RNGTT: variants seen among roughly 807,000 people sequenced by gnomAD.
The protein encoded by RNGTT is RNA guanylyltransferase and 5'-phosphatase, also known as mRNA-capping enzyme.
A neutral mutation model predicts 79.3 loss-of-function variants in RNGTT; 33 were observed. The observed-to-expected ratio is 0.42, with a 90% CI of 0.32 to 0.56. RNGTT has a LOEUF of 0.56. RNGTT is among the 20% of genes least tolerant of loss of function. The pLI, the probability that RNGTT is intolerant of heterozygous loss-of-function variation, is 0.17. For synonymous variants in RNGTT, 222 were observed against 235.9 expected, an observed-to-expected ratio of 0.94 and a Z score of 0.54; for missense variants, 497 against 739.1, an observed-to-expected ratio of 0.67 and a Z score of 3.80.
chr6:88,826,788 G>GA (rs1189448559), intron 11 of RNGTT, among the ~76,000 whole-genome samples: 13,907 of 69,600 alleles, frequency 0.2, 1,015 homozygotes, highest in South Asian at 0.25. Flanking sequence ...TGTCTCAAAA[G>GA]AAAAAAAAAA....
At chr6:88,643,318 G>A (rs1443124143) in intron 14 of RNGTT, among the ~76,000 whole-genome samples, 3 of 152,120 alleles carry the variant, frequency 2.0e-5, no homozygotes, top group African/African-American at 7.2e-5. Context: ...AAGAACGATT[G>A]TATGGGCACG....
At chr6:88,858,996 T>C (rs999158785) in intron 8 of RNGTT, among the ~76,000 whole-genome samples, 15 of 146,656 alleles carry the variant, frequency 1.0e-4, no homozygotes, top group Admixed American at 8.2e-4. Context: ...TTATGAAAAC[T>C]TTTTTTTTTT....
At chr6:88,733,432 T>C (rs1324756782) in intron 13 of RNGTT, among the ~76,000 whole-genome samples, 1 of 128,830 alleles carries the variant, frequency 7.8e-6, no homozygotes, top group Non-Finnish European at 1.6e-5. Flanking sequence ...AAGAATAGCA[T>C]ATTCCAAGAA....
rs569387958 is a variant in RNGTT at position 88,762,174 on chromosome 6, C to T, written c.1439+7600G>A. On this transcript the variant is annotated intron_variant, in intron 13 of 15. Coordinates refer to ENST00000369485, the MANE Select transcript of RNGTT (RefSeq NM_003800.5). ...TTTAAATCTAAGTGTGACGGTATGT[C>T]CACAAATACAACCTGCGGTTATTTT... 2.0e-5 allele frequency among the ~76,000 whole-genome samples: 3 copies of T among 152,138 alleles called. No individual in the cohort carries two copies. In the South Asian group the frequency reaches 6.2e-4, roughly 32 times the overall value.
intron 13 of RNGTT, among the ~76,000 whole-genome samples, chr6:88,724,117 G>A (rs1238127332): frequency 6.6e-6 from 1 of 152,200 alleles, no homozygotes; most frequent in Non-Finnish European, 1.5e-5. Flanking sequence ...GTTATAGTGA[G>A]CTAAGGTTAA....
Position 88,801,261 on chromosome 6 carries a change from AT to A in RNGTT, c.1338+302del, listed in dbSNP as rs933163782. Among the ~76,000 whole-genome samples the A allele has an allele frequency of 3.3e-5, 5 of 152,226 alleles. No individual in the cohort carries two copies. The East Asian group carries it at 9.6e-4, about 29-fold the overall frequency. On this transcript the variant is annotated intron_variant, in intron 12 of 15. Transcript: ENST00000369485. ...TATGTAATGCTATTGGTAGAAAATT[AT>A]TTTTTAATAACTAATTATATTAAAA...
At chr6:88,845,825 T>C (rs1248298566) in intron 10 of RNGTT, among the ~76,000 whole-genome samples, 1 of 152,190 alleles carries the variant, frequency 6.6e-6, no homozygotes, top group African/African-American at 2.4e-5. Context: ...TAAAGGATAT[T>C]TATTGGGGAA....
At chr6:88,742,113 G>A (rs961975561) in intron 13 of RNGTT, among the ~76,000 whole-genome samples, 1 of 152,054 alleles carries the variant, frequency 6.6e-6, no homozygotes, top group African/African-American at 2.4e-5. Context: ...GAATTCTATG[G>A]GCATATGGTG....
chr6:88,693,805 G>A (rs1775564279), intron 13 of RNGTT, among the ~76,000 whole-genome samples: 1 of 152,074 alleles, frequency 6.6e-6, no homozygotes, highest in African/African-American at 2.4e-5. Flanking sequence ...ACATACACAA[G>A]TCTATAAATG....
intron 14 of RNGTT, among the ~76,000 whole-genome samples, chr6:88,623,774 G>T (rs1234909982): frequency 6.6e-6 from 1 of 152,056 alleles, no homozygotes; most frequent in Non-Finnish European, 1.5e-5. Context: ...TGAAAAGGAA[G>T]AAATAGGACT....
At chr6:88,842,700 T>G (rs886642406) in intron 11 of RNGTT, among the ~76,000 whole-genome samples, 1 of 152,108 alleles carries the variant, frequency 6.6e-6, no homozygotes, top group African/African-American at 2.4e-5. Flanking sequence ...TAAAAACATT[T>G]TAGAGATGAA....
At chr6:88,937,326 C>T (rs1784698079) in intron 2 of RNGTT, among the ~76,000 whole-genome samples, 1 of 151,276 alleles carries the variant, frequency 6.6e-6, no homozygotes, top group Non-Finnish European at 1.5e-5. Context: ...GCCTAGGCAA[C>T]AAGAGCAAAA....
intron 14 of RNGTT, among the ~76,000 whole-genome samples, chr6:88,636,713 T>C (rs957182458): frequency 3.5e-5 from 4 of 113,248 alleles, no homozygotes; most frequent in African/African-American, 1.3e-4. Flanking sequence ...AAAACACAAC[T>C]TTTTTTTTTT....
intron 13 of RNGTT, among the ~76,000 whole-genome samples, chr6:88,718,271 T>C (rs1433858997): frequency 2.6e-5 from 4 of 151,530 alleles, no homozygotes; most frequent in African/African-American, 9.7e-5. Context: ...CCTGTAATCC[T>C]AGCTACTTAG....
chr6:88,613,026 C>T, intron 15 of RNGTT, 144 bp from the exon 16 acceptor site: 1 of 698,098 alleles, frequency 1.4e-6, no homozygotes, highest in Non-Finnish European at 2.3e-6. Flanking sequence ...ATTGAACTAT[C>T]TCCTCCCTAC....
intron 6 of RNGTT, among the ~76,000 whole-genome samples, chr6:88,902,716 A>T (rs1212061293): frequency 0.012 from 352 of 29,464 alleles, no homozygotes; most frequent in African/African-American, 0.041. Context: ...TTTTTTTTTG[A>T]GACAAAGTCT....
intron 12 of RNGTT, among the ~76,000 whole-genome samples, chr6:88,791,552 T>A (rs150820897): frequency 1.8e-4 from 27 of 152,230 alleles, no homozygotes; most frequent in African/African-American, 5.8e-4. Flanking sequence ...TTATTTATTT[T>A]TTTTTGAGAC....
intron 14 of RNGTT, among the ~76,000 whole-genome samples, chr6:88,615,491 G>A (rs1053806769): frequency 8.5e-5 from 13 of 152,244 alleles, no homozygotes; most frequent in African/African-American, 2.9e-4. Flanking sequence ...TTTGGAACTA[G>A]ACATGCCCAA....
chr6:88,934,419 T>C (rs1784602153), intron 2 of RNGTT, among the ~76,000 whole-genome samples: 2 of 152,150 alleles, frequency 1.3e-5, no homozygotes, highest in South Asian at 4.1e-4. Context: ...AATGTTGAGC[T>C]TTTTTTCAGC....
Sources: allele counts gnomAD v4.1 joint callset (sites outside exome capture counted in the v4.1 genomes callset), GRCh38; gene constraint gnomAD v4.1.1; transcripts MANE v1.5; gene names NCBI Gene and HGNC (gene_info 2026-07-23, HGNC 2026-07-21).